SORCS2: variants seen among roughly 807,000 people sequenced by gnomAD.
The protein encoded by SORCS2 is sortilin related VPS10 domain containing receptor 2.
A neutral mutation model predicts 141.6 loss-of-function variants in SORCS2; 100 were observed. That is an observed-to-expected ratio of 0.71 (90% CI 0.60 to 0.83). The LOEUF is 0.83. Ranked by LOEUF, SORCS2 falls within the 40% of genes least tolerant of loss-of-function variation. The probability of loss-of-function intolerance (pLI) is 0.00; values close to 1 mark genes in which losing one functional copy is unlikely to be tolerated. For missense variants in SORCS2, 1,646 were observed against 1,560.2 expected, an observed-to-expected ratio of 1.05 and a Z score of -0.93; for synonymous variants, 789 against 676.9, an observed-to-expected ratio of 1.17 and a Z score of -2.57.
chr4:7,676,716 T>TTCTCTC (rs145978640), intron 9 of SORCS2, among the ~76,000 whole-genome samples: 3 of 109,000 alleles, frequency 2.8e-5, no homozygotes, highest in African/African-American at 1.1e-4. Context: ...AAATCTGCCT[T>TTCTCTC]TCTCTCTCTC....
At chr4:7,433,910 C>G (rs377051073) in intron 2 of SORCS2, 3 of 1,613,718 alleles carry the variant, frequency 1.9e-6, no homozygotes, top group Non-Finnish European at 1.7e-6. Context: ...ACCGAGCACA[C>G]GCGCTCCAGG....
intron 3 of SORCS2, among the ~76,000 whole-genome samples, chr4:7,552,795 A>G (rs1339839040): frequency 6.6e-6 from 1 of 151,978 alleles, no homozygotes; most frequent in Non-Finnish European, 1.5e-5. Flanking sequence ...TGAGCTCTGT[A>G]TTTGTACAGT....
chr4:7,564,625 G>A (rs1006679086), intron 3 of SORCS2, among the ~76,000 whole-genome samples: 2 of 152,168 alleles, frequency 1.3e-5, no homozygotes, highest in East Asian at 3.9e-4. Context: ...CTATGGGAGC[G>A]ATGAGGAGCT....
intron 2 of SORCS2, among the ~76,000 whole-genome samples, chr4:7,421,057 G>C (rs1285082876): frequency 6.6e-6 from 1 of 152,316 alleles, no homozygotes; most frequent in African/African-American, 2.4e-5. Flanking sequence ...CTGGTTCCCA[G>C]TTCTCTCTTG....
At chr4:7,487,552 G>A (rs529624781) in intron 2 of SORCS2, among the ~76,000 whole-genome samples, 1 of 152,236 alleles carries the variant, frequency 6.6e-6, no homozygotes, top group Non-Finnish European at 1.5e-5. Context: ...TCCTTTGCCT[G>A]CACTAGAGAG....
chr4:7,293,700 A>T (rs1716763445), intron 1 of SORCS2, among the ~76,000 whole-genome samples: 1 of 152,108 alleles, frequency 6.6e-6, no homozygotes, highest in East Asian at 1.9e-4. Context: ...AATGCCTTGG[A>T]TTCTCTACTG....
chr4:7,732,603 G>C (rs1369912743), intron 23 of SORCS2, among the ~76,000 whole-genome samples: 2 of 152,108 alleles, frequency 1.3e-5, no homozygotes, highest in African/African-American at 4.8e-5. Context: ...TAGGGGGTCT[G>C]ATTCTCCTGT....
intron 26 of SORCS2, among the ~76,000 whole-genome samples, chr4:7,739,873 C>A (rs955074928): frequency 1.6e-4 from 25 of 152,200 alleles, no homozygotes; most frequent in Non-Finnish European, 3.2e-4. Flanking sequence ...GGGGGCGGAG[C>A]CTCAGCCCCT....
At chr4:7,377,683 G>A (rs149698860) in intron 1 of SORCS2, among the ~76,000 whole-genome samples, 47 of 152,268 alleles carry the variant, frequency 3.1e-4, no homozygotes, top group African/African-American at 9.6e-4. Flanking sequence ...AATGCCCTCC[G>A]CCACAGCTGG....
chr4:7,216,621 C>T (rs963455820), intron 1 of SORCS2, among the ~76,000 whole-genome samples: 2 of 152,134 alleles, frequency 1.3e-5, no homozygotes, highest in African/African-American at 2.4e-5. Context: ...GCTCCTTACT[C>T]CCATCCCTCC....
chr4:7,654,019 G>A, intron 4 of SORCS2, 115 bp from the exon 5 acceptor site: 1 of 1,014,946 alleles, frequency 9.9e-7, no homozygotes, highest in Non-Finnish European at 1.5e-6. Flanking sequence ...CGTGTCCGCT[G>A]GACAAGGATG....
At chr4:7,484,868 T>C (rs1259272561) in intron 2 of SORCS2, among the ~76,000 whole-genome samples, 1 of 152,022 alleles carries the variant, frequency 6.6e-6, no homozygotes, top group Non-Finnish European at 1.5e-5. Context: ...CCATGCGGCC[T>C]GTCTCCTGCA....
At chr4:7,452,892 C>T (rs4435749) in intron 2 of SORCS2, among the ~76,000 whole-genome samples, 61,512 of 136,390 alleles carry the variant, frequency 0.45, 13,586 homozygotes, top group East Asian at 0.77. Context: ...TGGGGTCAGG[C>T]GCTGTGTTGG....
At chr4:7,535,208 C>A (rs1279276476) in intron 3 of SORCS2, among the ~76,000 whole-genome samples, 2 of 152,170 alleles carry the variant, frequency 1.3e-5, no homozygotes, top group Non-Finnish European at 2.9e-5. Context: ...GGCCATGATC[C>A]CCTAGGTTGG....
intron 1 of SORCS2, among the ~76,000 whole-genome samples, chr4:7,296,726 CG>C: frequency 6.6e-6 from 1 of 152,298 alleles, no homozygotes; most frequent in East Asian, 1.9e-4. Flanking sequence ...TTCACTAACA[CG>C]GGGCCAGCAC....
chr4:7,515,654 C>T (rs1732929519), intron 2 of SORCS2, among the ~76,000 whole-genome samples: 1 of 151,996 alleles, frequency 6.6e-6, no homozygotes, highest in South Asian at 2.1e-4. Flanking sequence ...TAAGCCTTTG[C>T]TATTGATTGC....
intron 4 of SORCS2, among the ~76,000 whole-genome samples, chr4:7,653,701 C>A (rs574778646): frequency 1.1e-4 from 17 of 152,198 alleles, no homozygotes; most frequent in Non-Finnish European, 2.2e-4. Flanking sequence ...CCTGCACTGA[C>A]CCCTGCGGTA....
At position 7,430,563 on chromosome 4, in the gene SORCS2, G is replaced by C. The variant is rs374219079; in HGVS notation, c.548+34208G>C. On this transcript the variant is annotated intron_variant, in intron 2 of 26. Coordinates refer to ENST00000507866, the MANE Select transcript of SORCS2 (RefSeq NM_020777.3). ...TCTGAAGAATGCCCAGCATGTGTCT[G>C]GCTGAAGGTGCAGGTACTTGCTCGG... is the stretch of plus-strand genomic sequence containing the variant. 1.6e-4 allele frequency: 25 copies of C among 152,372 alleles called. No individual in the cohort carries two copies. In the East Asian group the frequency reaches 4.8e-3, roughly 29 times the overall value. The allele number at this position is 152,372 out of a possible 1,614,324, so 9.4% of individuals were successfully genotyped here.
intron 9 of SORCS2, among the ~76,000 whole-genome samples, chr4:7,677,992 C>T (rs1379797725): frequency 1.3e-5 from 2 of 152,146 alleles, no homozygotes; most frequent in East Asian, 3.9e-4. Flanking sequence ...TGGGGTGGGA[C>T]TCCACGGCCA....
Sources: gnomAD v4.1 joint callset for allele counts (sites outside exome capture counted in the v4.1 genomes callset) on GRCh38, gnomAD v4.1.1 for gene constraint, MANE v1.5 for transcripts, NCBI Gene and HGNC (gene_info 2026-07-23, HGNC 2026-07-21) for gene names.